CWC27: variants seen among roughly 807,000 people sequenced by gnomAD.
CWC27 encodes CWC27 spliceosome associated cyclophilin.
In CWC27, 47 loss-of-function variants were observed where a neutral mutation model predicts 63.6. The observed-to-expected ratio is 0.74, with a 90% CI of 0.58 to 0.94. The LOEUF is 0.94. Among genes scored for constraint, CWC27 ranks in the 40% least tolerant of loss-of-function variants. The pLI is 0.00. For synonymous variants in CWC27, 175 were observed against 179.8 expected, an observed-to-expected ratio of 0.97 and a Z score of 0.22; for missense variants, 495 against 554.3, an observed-to-expected ratio of 0.89 and a Z score of 1.07.
At chr5:64,880,208 CTGTTTTTATTAT>C (rs1746903356) in intron 10 of CWC27, among the ~76,000 whole-genome samples, 1 of 151,886 alleles carries the variant, frequency 6.6e-6, no homozygotes, top group South Asian at 2.1e-4. Flanking sequence ...TTATTATGTA[CTGTTTTTATTAT>C]TGATGTACAT....
chr5:64,893,388 T>C (rs1369054233), intron 11 of CWC27, among the ~76,000 whole-genome samples: 1 of 152,252 alleles, frequency 6.6e-6, no homozygotes, highest in South Asian at 2.1e-4. Context: ...AACTTTATAG[T>C]GTAAACCTGT....
intron 11 of CWC27, among the ~76,000 whole-genome samples, chr5:64,892,848 C>A: frequency 6.6e-6 from 1 of 150,474 alleles, no homozygotes. Flanking sequence ...TTCTTTATCT[C>A]TCGTTCTTTA....
chr5:64,831,683 A>G (rs991354636), intron 10 of CWC27, among the ~76,000 whole-genome samples: 1 of 152,090 alleles, frequency 6.6e-6, no homozygotes, highest in South Asian at 2.1e-4. Flanking sequence ...TGACTCATGT[A>G]ACAAACCTGC....
At chr5:65,006,798 G>A (rs186590244) in intron 13 of CWC27, among the ~76,000 whole-genome samples, 18 of 152,022 alleles carry the variant, frequency 1.2e-4, no homozygotes, top group African/African-American at 4.3e-4. Flanking sequence ...TGGAAAGCAA[G>A]AAATAAAAGA....
At chr5:64,835,327 A>G (rs1745632762) in intron 10 of CWC27, among the ~76,000 whole-genome samples, 1 of 151,852 alleles carries the variant, frequency 6.6e-6, no homozygotes, top group South Asian at 2.1e-4. Context: ...ATCACATTTT[A>G]TAAAGGATTA....
At chr5:64,994,598 T>G (rs1309545) in intron 13 of CWC27, among the ~76,000 whole-genome samples, 113,148 of 152,058 alleles carry the variant, frequency 0.74, 42,921 homozygotes, top group African/African-American at 0.89. Flanking sequence ...ATCAAAACAA[T>G]GTGTAAAACA....
At chr5:64,826,397 T>G (rs1268528070) in intron 10 of CWC27, among the ~76,000 whole-genome samples, 1 of 152,220 alleles carries the variant, frequency 6.6e-6, no homozygotes, top group Non-Finnish European at 1.5e-5. Context: ...TATTGAGACT[T>G]GTTTTTTGTC....
At chr5:64,853,221 A>G (rs1248482381) in intron 10 of CWC27, among the ~76,000 whole-genome samples, 1 of 152,188 alleles carries the variant, frequency 6.6e-6, no homozygotes, top group Non-Finnish European at 1.5e-5. Flanking sequence ...AAGCTGAAAC[A>G]TGGACAGTTT....
At chr5:65,009,497 C>G (rs1749907319) in intron 13 of CWC27, among the ~76,000 whole-genome samples, 1 of 152,196 alleles carries the variant, frequency 6.6e-6, no homozygotes, top group African/African-American at 2.4e-5. Flanking sequence ...CCCTAAAACT[C>G]ATATGTTGAA....
chr5:64,778,485 TG>T (rs1243194679), intron 2 of CWC27, among the ~76,000 whole-genome samples: 2 of 152,210 alleles, frequency 1.3e-5, no homozygotes, highest in Non-Finnish European at 2.9e-5. Context: ...TGATATATAC[TG>T]GGGTATATTT....
At chr5:64,855,757 T>C (rs925337389) in intron 10 of CWC27, among the ~76,000 whole-genome samples, 11 of 152,266 alleles carry the variant, frequency 7.2e-5, no homozygotes, top group Admixed American at 1.3e-4. Context: ...GTTCTCCTTT[T>C]TTTATTTAAA....
intron 7 of CWC27, among the ~76,000 whole-genome samples, chr5:64,793,916 G>T (rs1227049683): frequency 1.3e-5 from 2 of 152,102 alleles, no homozygotes; most frequent in African/African-American, 4.8e-5. Context: ...TGGATTATCA[G>T]TGTGGGATTA....
At chr5:65,008,892 A>G (rs982760687) in intron 13 of CWC27, among the ~76,000 whole-genome samples, 1 of 152,236 alleles carries the variant, frequency 6.6e-6, no homozygotes, top group Non-Finnish European at 1.5e-5. Context: ...TTGGGATCAA[A>G]TAAGTTATAT....
chr5:64,920,114 C>T (rs190856651), intron 11 of CWC27, among the ~76,000 whole-genome samples: 11 of 152,044 alleles, frequency 7.2e-5, no homozygotes, highest in African/African-American at 2.4e-4. Context: ...TACAGGCACC[C>T]GCCATCATGC....
At chr5:64,859,299 A>C (rs541703450) in intron 10 of CWC27, among the ~76,000 whole-genome samples, 1 of 152,260 alleles carries the variant, frequency 6.6e-6, no homozygotes, top group East Asian at 1.9e-4. Flanking sequence ...GATTATGTGG[A>C]AAGTGGTACA....
intron 11 of CWC27, among the ~76,000 whole-genome samples, chr5:64,937,902 A>G (rs148234032): frequency 3.2e-3 from 468 of 146,816 alleles, no homozygotes; most frequent in Non-Finnish European, 5.5e-3. Context: ...TTTATCAGAG[A>G]CTGGGATTGC....
At chr5:64,999,962 T>G (rs1749702897) in intron 13 of CWC27, among the ~76,000 whole-genome samples, 1 of 152,050 alleles carries the variant, frequency 6.6e-6, no homozygotes, top group Admixed American at 6.6e-5. Context: ...CAACAGTGTA[T>G]AAGAGTTACC....
At chr5:64,999,507 C>A (rs1476213077) in intron 13 of CWC27, among the ~76,000 whole-genome samples, 1 of 152,036 alleles carries the variant, frequency 6.6e-6, no homozygotes, top group Non-Finnish European at 1.5e-5. Flanking sequence ...CCCTTCCCAG[C>A]CCCTGGTAAC....
chr5:64,852,932 A>G (rs1190709638), intron 10 of CWC27, among the ~76,000 whole-genome samples: 1 of 152,168 alleles, frequency 6.6e-6, no homozygotes, highest in Non-Finnish European at 1.5e-5. Flanking sequence ...TTAGAATTGT[A>G]TGGGTCCCAT....
Sources: allele counts gnomAD v4.1 joint callset (sites outside exome capture counted in the v4.1 genomes callset), GRCh38; gene constraint gnomAD v4.1.1; transcripts MANE v1.5; gene names NCBI Gene and HGNC (gene_info 2026-07-23, HGNC 2026-07-21).